VPS54: variants seen among roughly 807,000 people sequenced by gnomAD.
VPS54 encodes VPS54 subunit of GARP complex.
In VPS54, 45 loss-of-function variants were observed where a neutral mutation model predicts 121.5. That is an observed-to-expected ratio of 0.37 (90% CI 0.29 to 0.47). VPS54 has a LOEUF of 0.47. Among genes scored for constraint, VPS54 ranks in the 20% least tolerant of loss-of-function variants. The probability of loss-of-function intolerance (pLI) is 0.99; values close to 1 mark genes in which losing one functional copy is unlikely to be tolerated. For synonymous variants in VPS54, 371 were observed against 385.8 expected (o/e 0.96, Z 0.45); for missense variants, 1,090 against 1,131.4 (o/e 0.96, Z 0.52).
intron 4 of VPS54, among the ~76,000 whole-genome samples, chr2:63,969,372 C>A (rs1431961427): frequency 6.6e-6 from 1 of 152,176 alleles, no homozygotes; most frequent in Non-Finnish European, 1.5e-5. Context: ...GTATTTACAG[C>A]CAGTCCCCAT....
At chr2:63,956,445 G>A (rs979101526) in intron 7 of VPS54, among the ~76,000 whole-genome samples, 3 of 152,034 alleles carry the variant, frequency 2.0e-5, no homozygotes, top group African/African-American at 4.8e-5. Flanking sequence ...TAATTTTTAC[G>A]CCAAAATCCA....
chr2:63,990,415 A>G (rs1677263866), intron 1 of VPS54, among the ~76,000 whole-genome samples: 1 of 151,766 alleles, frequency 6.6e-6, no homozygotes, highest in Non-Finnish European at 1.5e-5. Flanking sequence ...CCAAACTACA[A>G]TTTACCTATA....
At chr2:64,010,011 T>C (rs551473136) in intron 1 of VPS54, among the ~76,000 whole-genome samples, 87 of 151,932 alleles carry the variant, frequency 5.7e-4, no homozygotes, top group African/African-American at 2.0e-3. Flanking sequence ...CTGCCTAATT[T>C]TCGTATTTTC....
At chr2:63,900,091 G>T (rs1195393512) in intron 20 of VPS54, among the ~76,000 whole-genome samples, 1 of 152,032 alleles carries the variant, frequency 6.6e-6, no homozygotes, top group African/African-American at 2.4e-5. Flanking sequence ...ATGGTGGCAG[G>T]CACCTGCAAT....
chr2:64,003,529 T>C (rs1190814929), intron 1 of VPS54, among the ~76,000 whole-genome samples: 3 of 152,208 alleles, frequency 2.0e-5, no homozygotes. Flanking sequence ...TGTTTTTCTG[T>C]GTATTCTATT....
chr2:63,940,049 C>T (rs545701699), intron 11 of VPS54, among the ~76,000 whole-genome samples: 2 of 152,244 alleles, frequency 1.3e-5, no homozygotes, highest in South Asian at 2.1e-4. Context: ...AGCCATGGTG[C>T]CTGGCCCTGT....
intron 9 of VPS54, among the ~76,000 whole-genome samples, chr2:63,945,019 C>T (rs1414059690): frequency 1.3e-5 from 2 of 152,112 alleles, no homozygotes; most frequent in Non-Finnish European, 2.9e-5. Context: ...CCATTCAATC[C>T]AGCAATCCCA....
intron 5 of VPS54, among the ~76,000 whole-genome samples, chr2:63,968,667 T>C (rs1319265074): frequency 6.6e-6 from 1 of 151,926 alleles, no homozygotes; most frequent in East Asian, 1.9e-4. Flanking sequence ...TACAGTGAAC[T>C]GAGATTGCAC....
intron 7 of VPS54, among the ~76,000 whole-genome samples, chr2:63,959,754 C>T (rs1203918535): frequency 6.6e-6 from 1 of 152,104 alleles, no homozygotes; most frequent in Non-Finnish European, 1.5e-5. Context: ...GGCACGGTAG[C>T]TCACACTTGT....
chr2:64,000,068 G>T (rs546401300), intron 1 of VPS54, among the ~76,000 whole-genome samples: 40 of 151,838 alleles, frequency 2.6e-4, no homozygotes, highest in Non-Finnish European at 5.3e-4. Flanking sequence ...CACCATGTTG[G>T]CCGGGCTGGT....
intron 3 of VPS54, among the ~76,000 whole-genome samples, chr2:63,978,993 G>A (rs1676676936): frequency 6.6e-6 from 1 of 152,218 alleles, no homozygotes; most frequent in Non-Finnish European, 1.5e-5. Context: ...CATCTAAGTT[G>A]TTGAATTTAC....
At chr2:63,952,703 A>G (rs1675310134) in intron 7 of VPS54, among the ~76,000 whole-genome samples, 1 of 152,198 alleles carries the variant, frequency 6.6e-6, no homozygotes, top group South Asian at 2.1e-4. Flanking sequence ...TTAATAGACT[A>G]AAAACGTTCT....
At chr2:63,895,291 T>C (rs1672400421) in intron 22 of VPS54, among the ~76,000 whole-genome samples, 1 of 152,072 alleles carries the variant, frequency 6.6e-6, no homozygotes, top group Non-Finnish European at 1.5e-5. Context: ...CCGTCTCTAC[T>C]AAAAATACAA....
intron 6 of VPS54, 47 bp downstream of exon 6, chr2:63,965,788 C>T (rs767600000): frequency 6.3e-7 from 1 of 1,599,872 alleles, no homozygotes; most frequent in South Asian, 1.1e-5. Flanking sequence ...AACAGTACCG[C>T]TTAACTAGAA....
chr2:63,946,541 T>C (rs1674987475), intron 9 of VPS54, among the ~76,000 whole-genome samples: 1 of 152,084 alleles, frequency 6.6e-6, no homozygotes, highest in African/African-American at 2.4e-5. Flanking sequence ...ATTTTTTTGC[T>C]TATTTAACTT....
chr2:63,968,236 G>T (rs1463968208), intron 5 of VPS54, among the ~76,000 whole-genome samples: 1 of 151,920 alleles, frequency 6.6e-6, no homozygotes, highest in East Asian at 1.9e-4. Context: ...TTCATACAAA[G>T]TAAGTATCTC....
chr2:63,928,579 T>C (rs929466058), intron 12 of VPS54, among the ~76,000 whole-genome samples: 4 of 152,236 alleles, frequency 2.6e-5, no homozygotes, highest in African/African-American at 9.6e-5. Flanking sequence ...AGACCATCAA[T>C]GCTAGGAAGA....
At chr2:63,933,193 T>C (rs575969764) in intron 12 of VPS54, among the ~76,000 whole-genome samples, 1 of 152,318 alleles carries the variant, frequency 6.6e-6, no homozygotes, top group African/African-American at 2.4e-5. Flanking sequence ...AAGAAGTTTT[T>C]AAAATAAGGT....
At chr2:63,920,055 G>T in intron 14 of VPS54, 60 bp from the exon 15 acceptor site, 1 of 1,411,056 alleles carries the variant, frequency 7.1e-7, no homozygotes, top group Non-Finnish European at 9.7e-7. Flanking sequence ...ATCTTCCTTG[G>T]TTTAAAAGAA....
Sources: allele counts gnomAD v4.1 joint callset (sites outside exome capture counted in the v4.1 genomes callset), GRCh38; gene constraint gnomAD v4.1.1; transcripts MANE v1.5; gene names NCBI Gene and HGNC (gene_info 2026-07-23, HGNC 2026-07-21).